SEM1: variants seen among roughly 807,000 people sequenced by gnomAD.
SEM1 encodes 26S proteasome complex subunit SEM1.
Under a neutral mutation model 12.7 loss-of-function variants are expected in SEM1, and 3 were observed. That is an observed-to-expected ratio of 0.24 (90% confidence interval 0.11 to 0.61). The LOEUF is 0.61. SEM1 is among the 20% of genes least tolerant of loss of function. SEM1 has a pLI of 0.88. For missense variants in SEM1, 59 were observed against 81.3 expected, an observed-to-expected ratio of 0.73 and a Z score of 1.06; for synonymous variants, 30 against 27.8, an observed-to-expected ratio of 1.08 and a Z score of -0.25.
chr7:96,505,635 T>C (rs1233702061), intron 3 of SEM1, among the ~76,000 whole-genome samples: 2 of 152,154 alleles, frequency 1.3e-5, no homozygotes, highest in Non-Finnish European at 2.9e-5. Flanking sequence ...ACAACAGAAA[T>C]TGATTTCTCA....
At chr7:96,658,226 C>A (rs1488223036) in intron 2 of SEM1, among the ~76,000 whole-genome samples, 3 of 152,068 alleles carry the variant, frequency 2.0e-5, no homozygotes, top group South Asian at 4.2e-4. Flanking sequence ...GCTAATATTC[C>A]TCTTGTACCT....
In SEM1 at chr7:96,709,783, C is replaced by G. The variant is rs779725976; in HGVS notation, c.-20G>C. Reference sequence around the variant, plus strand: ...TGACATCTCGACTGTCCGCGCCCAACACCTCCCAGATAAGCAGAAAAGTTG... The same window carrying G: ...TGACATCTCGACTGTCCGCGCCCAAGACCTCCCAGATAAGCAGAAAAGTTG... On this transcript the variant is annotated 5_prime_UTR_variant, in exon 1 of 3. Transcript: ENST00000248566. 1 of 1,613,160 alleles carries G rather than the reference C, an allele frequency of 6.2e-7. No individual in the cohort carries two copies. The highest frequency in any genetic ancestry group is 1.1e-5 in the South Asian group (1 of 91,048).
chr7:96,605,007 G>T (rs1019286198), intron 2 of SEM1, among the ~76,000 whole-genome samples: 1 of 151,952 alleles, frequency 6.6e-6, no homozygotes, highest in Admixed American at 6.6e-5. Context: ...CCATGGTGAG[G>T]CTTAAGCAAT....
intron 2 of SEM1, among the ~76,000 whole-genome samples, chr7:96,575,495 A>G (rs1269410669): frequency 1.3e-5 from 2 of 152,182 alleles, no homozygotes; most frequent in Non-Finnish European, 2.9e-5. Flanking sequence ...CTCAGGTGCT[A>G]TGCTGGGAGA....
intron 2 of SEM1, among the ~76,000 whole-genome samples, chr7:96,690,013 T>C (rs913235240): frequency 5.9e-5 from 9 of 152,184 alleles, no homozygotes; most frequent in Admixed American, 1.3e-4. Context: ...TAATGTAGTA[T>C]ACATTAAAAT....
At position 96,693,790 on chromosome 7, in the gene SEM1, G is replaced by GTA. The variant is rs532367417; in HGVS notation, c.170+1006_170+1007dup. On this transcript the variant is annotated intron_variant, in intron 2 of 2. Transcript: ENST00000248566. ...TGTGTGTGTGTGTGTGTGTGTGTGTGTATATATATATATATAAAATTTCTT... is the reference window on the plus strand; with the variant it reads ...TGTGTGTGTGTGTGTGTGTGTGTGTGTATATATATATATATATAAAATTTCTT... 1.2e-3 allele frequency among the ~76,000 whole-genome samples: 170 copies of GTA among 145,542 alleles called. 2 individuals carry two copies. The highest frequency in any genetic ancestry group is 3.4e-3 in the Middle Eastern group (1 of 290).
intron 2 of SEM1, among the ~76,000 whole-genome samples, chr7:96,581,716 T>G (rs183024181): frequency 1.3e-5 from 2 of 152,244 alleles, no homozygotes; most frequent in African/African-American, 2.4e-5. Context: ...CCTAGGTATT[T>G]TATTCTCTTT....
At chr7:96,549,191 G>A (rs1805190728) in intron 2 of SEM1, among the ~76,000 whole-genome samples, 1 of 152,154 alleles carries the variant, frequency 6.6e-6, no homozygotes. Flanking sequence ...ATGAGGGTTG[G>A]TAGAGTGACC....
At position 96,640,931 on chromosome 7, in the gene SEM1, A is replaced by G. The variant is rs1808571713; in HGVS notation, c.171-18288T>C. On this transcript the variant is annotated intron_variant, in intron 2 of 2. Coordinates refer to the SEM1 transcript ENST00000417009. The surrounding 1 kb of genome is among the most constrained non-coding windows in gnomAD (Gnocchi z 4.0). Reference sequence around the variant, plus strand: ...GTTTCTTTACAAAAAACTTAGAGTAATCTCACACTTGAAGGTTTGAGAAGA... The same window carrying G: ...GTTTCTTTACAAAAAACTTAGAGTAGTCTCACACTTGAAGGTTTGAGAAGA... Among the ~76,000 whole-genome samples the G allele has an allele frequency of 6.6e-6, 1 of 151,944 alleles. No individual in the cohort carries two copies. Among genetic ancestry groups the G allele is most frequent in the Non-Finnish European group, 1.5e-5 (1 of 67,938 alleles).
intron 2 of SEM1, among the ~76,000 whole-genome samples, chr7:96,514,003 G>A (rs761070443): frequency 7.2e-5 from 11 of 151,748 alleles, no homozygotes; most frequent in Non-Finnish European, 1.5e-4. Flanking sequence ...CATTATAATG[G>A]CTACACAGAT....
At chr7:96,708,084 C>T (rs1209302471) in intron 1 of SEM1, 3 of 152,142 alleles carry the variant, frequency 2.0e-5, no homozygotes, top group Non-Finnish European at 1.5e-5. Context: ...TAACATTCCA[C>T]CCTGTATATG....
chr7:96,651,058 C>T (rs538865920), intron 2 of SEM1, among the ~76,000 whole-genome samples: 46 of 152,294 alleles, frequency 3.0e-4, no homozygotes, highest in African/African-American at 9.6e-4. Flanking sequence ...ACACCACAGA[C>T]TCCATGTTCT....
chr7:96,694,373 A>C (rs935179693), intron 2 of SEM1, among the ~76,000 whole-genome samples: 6 of 151,976 alleles, frequency 3.9e-5, no homozygotes, highest in African/African-American at 1.4e-4. Flanking sequence ...AAATAAATGA[A>C]ATCAGGTAGA....
chr7:96,605,422 T>G (rs1584800000), intron 2 of SEM1, among the ~76,000 whole-genome samples: 1 of 152,140 alleles, frequency 6.6e-6, no homozygotes, highest in African/African-American at 2.4e-5. Context: ...GACACAAAAG[T>G]AACTCTATTT....
At chr7:96,583,425 G>A (rs1349251734) in intron 2 of SEM1, among the ~76,000 whole-genome samples, 12 of 144,232 alleles carry the variant, frequency 8.3e-5, no homozygotes, top group African/African-American at 2.6e-5. Context: ...GTGTGGTGTG[G>A]TGCTGAAAAA....
At chr7:96,656,163 A>AT (rs1004653617) in intron 2 of SEM1, among the ~76,000 whole-genome samples, 2 of 152,006 alleles carry the variant, frequency 1.3e-5, no homozygotes, top group Non-Finnish European at 2.9e-5. Context: ...ATTAAATTCC[A>AT]TTTTTTTGCT....
intron 2 of SEM1, among the ~76,000 whole-genome samples, chr7:96,608,169 A>C (rs907012252): frequency 3.3e-5 from 5 of 152,194 alleles, no homozygotes; most frequent in African/African-American, 1.2e-4. Context: ...AGGAGGAATA[A>C]GAAGTTACTT....
At chr7:96,570,879 T>A (rs1262705427) in intron 2 of SEM1, among the ~76,000 whole-genome samples, 1 of 152,168 alleles carries the variant, frequency 6.6e-6, no homozygotes, top group Non-Finnish European at 1.5e-5. Flanking sequence ...TCCTAACTTT[T>A]TAATGATCGT....
At chr7:96,524,923 CA>C (rs1804402007) in intron 2 of SEM1, among the ~76,000 whole-genome samples, 1 of 152,018 alleles carries the variant, frequency 6.6e-6, no homozygotes, top group Admixed American at 6.6e-5. Context: ...TCAGTTTTTC[CA>C]TATCCATTTC....
Sources: gnomAD v4.1 joint callset for allele counts (sites outside exome capture counted in the v4.1 genomes callset) on GRCh38, gnomAD v4.1.1 for gene constraint, Gnocchi (gnomAD v3.1) non-coding constraint, MANE v1.5 for transcripts, NCBI Gene and HGNC (gene_info 2026-07-23, HGNC 2026-07-21) for gene names.